Variants in ACOXL observed in about 807,000 individuals in gnomAD.
ACOXL encodes the protein acyl-coenzyme A oxidase-like protein.
ACOXL carries 70 observed loss-of-function variants against 71.9 expected under a neutral mutation model. That is an observed-to-expected ratio of 0.97 (90% CI 0.80 to 1.19). The LOEUF (loss-of-function observed/expected upper bound fraction) is 1.19. Ranked by LOEUF, ACOXL falls within the 50% of genes most tolerant of loss-of-function variation. The pLI, the probability that ACOXL is intolerant of heterozygous loss-of-function variation, is 0.00. For synonymous variants in ACOXL, 253 were observed against 281.6 expected (o/e 0.90, Z 1.02); for missense variants, 703 against 736.3 (o/e 0.95, Z 0.52).
At chr2:110,991,019 T>C (rs898995751) in intron 13 of ACOXL, among the ~76,000 whole-genome samples, 4 of 152,196 alleles carry the variant, frequency 2.6e-5, no homozygotes, top group Non-Finnish European at 5.9e-5. Flanking sequence ...GGGAGTGGTT[T>C]CTTATTCTGT....
intron 11 of ACOXL, among the ~76,000 whole-genome samples, chr2:110,931,010 C>T (rs1039898841): frequency 6.6e-6 from 1 of 152,150 alleles, no homozygotes; most frequent in African/African-American, 2.4e-5. Flanking sequence ...AAACAAATAC[C>T]TTGCATTTCT....
At chr2:110,865,835 GT>G (rs55939314) in intron 10 of ACOXL, among the ~76,000 whole-genome samples, 21,730 of 148,540 alleles carry the variant, frequency 0.15, 1,726 homozygotes, top group South Asian at 0.24. Context: ...CCTACAACTT[GT>G]TTTTTTTTTC....
intron 17 of ACOXL, chr2:111,098,831 A>C (rs1021774743): frequency 6.6e-6 from 1 of 152,216 alleles, no homozygotes; most frequent in African/African-American, 2.4e-5. Flanking sequence ...AAATAAATAA[A>C]ACTTTCCAGA....
chr2:111,022,520 G>A (rs1325274292), intron 14 of ACOXL, among the ~76,000 whole-genome samples: 1 of 152,064 alleles, frequency 6.6e-6, no homozygotes, highest in East Asian at 1.9e-4. Context: ...GAGCAGATGA[G>A]GGATGGTCCC....
chr2:110,974,872 G>T (rs759146757), intron 12 of ACOXL, among the ~76,000 whole-genome samples: 1 of 152,222 alleles, frequency 6.6e-6, no homozygotes, highest in Non-Finnish European at 1.5e-5. Flanking sequence ...CTGGACTGTG[G>T]CAGGTGGCCA....
At chr2:110,934,992 G>C (rs776647532) in intron 12 of ACOXL, among the ~76,000 whole-genome samples, 4 of 152,296 alleles carry the variant, frequency 2.6e-5, no homozygotes, top group Non-Finnish European at 5.9e-5. Flanking sequence ...CTGCCAGGGG[G>C]CTGGTTTCTA....
rs537165185 is a variant in ACOXL at position 110,734,048 on chromosome 2, T to G, written c.-23+1274T>G. The stretch of plus-strand genomic sequence containing the variant: ...GACATGAGAATACAGCTGCTTTCTA[T>G]TAAGACAGACAGTAAAGGGATTTGT... On this transcript the variant is annotated intron_variant, in intron 1 of 17. Coordinates refer to ENST00000439055, the MANE Select transcript of ACOXL (RefSeq NM_001142807.4). 2.0e-5 allele frequency among the ~76,000 whole-genome samples: 3 copies of G among 152,314 alleles called. No homozygotes were observed. The South Asian group carries it at 6.2e-4, about 32-fold the overall frequency.
rs539577595 is a variant in ACOXL at position 111,053,281 on chromosome 2, G to A, written c.1440+3993G>A. ...CAAGTGAACTTGCTTGGAGCCCCACGTCCTACATGTCACTCTGTGGATGCA... is the reference window on the plus strand; with the variant it reads ...CAAGTGAACTTGCTTGGAGCCCCACATCCTACATGTCACTCTGTGGATGCA... On this transcript the variant is annotated intron_variant, in intron 16 of 17. Coordinates refer to ENST00000439055, the MANE Select transcript of ACOXL (RefSeq NM_001142807.4). Among the ~76,000 whole-genome samples the A allele has an allele frequency of 1.4e-4, 22 of 152,134 alleles. 1 individual carries two copies. Among genetic ancestry groups the A allele is most frequent in the Admixed American group, 8.5e-4 (13 of 15,278 alleles).
intron 16 of ACOXL, among the ~76,000 whole-genome samples, chr2:111,077,536 G>A (rs113455615): frequency 2.0e-5 from 3 of 152,214 alleles, no homozygotes; most frequent in African/African-American, 7.2e-5. Context: ...GTTCCTGATT[G>A]GTATTTACCA....
chr2:110,794,145 A>G lies in ACOXL; in HGVS notation c.316A>G (p.Thr106Ala). The G allele has an allele frequency of 1.9e-6, 3 of 1,614,140 alleles. No individual in the cohort carries two copies. The highest frequency in any genetic ancestry group is 2.5e-6 in the Non-Finnish European group (3 of 1,180,012). Residue 106 changes from threonine to alanine, a missense_variant, in exon 5 of 18, where the codon ACC (threonine) becomes GCC (alanine). Physicochemically the swap from Thr to Ala is moderately conservative, Grantham distance 58 (BLOSUM62 0). Coordinates refer to ENST00000439055, the MANE Select transcript of ACOXL (RefSeq NM_001142807.4). Reference protein sequence around the residue: ...GHGSNARGIQTEATFDLSAQE... With the variant: ...GHGSNARGIQAEATFDLSAQE... Reference sequence around the variant, plus strand: ...TGGGAGCAACGCGAGAGGGATCCAGACCGAAGCCACCTTTGACCTCTCTGC... The same window carrying G: ...TGGGAGCAACGCGAGAGGGATCCAGGCCGAAGCCACCTTTGACCTCTCTGC...
intron 10 of ACOXL, among the ~76,000 whole-genome samples, chr2:110,895,770 G>T (rs2058983819): frequency 6.6e-6 from 1 of 152,202 alleles, no homozygotes; most frequent in Non-Finnish European, 1.5e-5. Context: ...GGCACTGAAA[G>T]AACTATCGAG....
intron 13 of ACOXL, among the ~76,000 whole-genome samples, chr2:110,989,177 G>A (rs2063067921): frequency 6.6e-6 from 1 of 152,016 alleles, no homozygotes; most frequent in South Asian, 2.1e-4. Flanking sequence ...ATGGTTTGAG[G>A]AAGGGATCTA....
At chr2:110,798,265 T>A (rs1294442613) in intron 5 of ACOXL, among the ~76,000 whole-genome samples, 2 of 151,732 alleles carry the variant, frequency 1.3e-5, no homozygotes, top group Non-Finnish European at 2.9e-5. Context: ...TTGCTTTTTT[T>A]TTTTTTTTTG....
intron 14 of ACOXL, among the ~76,000 whole-genome samples, chr2:111,019,631 TCG>T (rs1244456544): frequency 6.6e-6 from 1 of 152,182 alleles, no homozygotes; most frequent in African/African-American, 2.4e-5. Flanking sequence ...CTCCTGGAAC[TCG>T]TGTGTGTGAC....
intron 10 of ACOXL, among the ~76,000 whole-genome samples, chr2:110,874,525 T>C (rs2149058631): frequency 1.3e-5 from 2 of 152,252 alleles, no homozygotes; most frequent in Middle Eastern, 3.4e-3. Flanking sequence ...CAGCCTGACC[T>C]TGAGCAAACC....
chr2:110,888,425 G>A (rs1697574419), intron 10 of ACOXL, among the ~76,000 whole-genome samples: 1 of 152,150 alleles, frequency 6.6e-6, no homozygotes, highest in Admixed American at 6.6e-5. Flanking sequence ...CCCACATGTG[G>A]CAGATAGAGT....
intron 9 of ACOXL, among the ~76,000 whole-genome samples, chr2:110,813,535 C>T (rs1324442075): frequency 6.6e-6 from 1 of 152,124 alleles, no homozygotes; most frequent in Non-Finnish European, 1.5e-5. Flanking sequence ...TCCTTTTGGC[C>T]ACCTCTGGGG....
At chr2:111,022,307 G>A (rs2064800329) in intron 14 of ACOXL, among the ~76,000 whole-genome samples, 1 of 152,094 alleles carries the variant, frequency 6.6e-6, no homozygotes, top group Non-Finnish European at 1.5e-5. Flanking sequence ...AGTGGTTGTG[G>A]TGAGCCGAGA....
At chr2:111,103,020 G>T (rs1355767460) in intron 17 of ACOXL, among the ~76,000 whole-genome samples, 3 of 152,202 alleles carry the variant, frequency 2.0e-5, no homozygotes, top group Admixed American at 2.0e-4. Flanking sequence ...GCCAAGCGCT[G>T]TGGCTCACGC....
Sources: allele counts gnomAD v4.1 joint callset (sites outside exome capture counted in the v4.1 genomes callset), GRCh38; gene constraint gnomAD v4.1.1; transcripts MANE v1.5; gene names NCBI Gene and HGNC (gene_info 2026-07-23, HGNC 2026-07-21).